Variants in PLLP observed in about 807,000 individuals in gnomAD.
PLLP encodes the protein plasma membrane proteolipid (plasmolipin).
Under a neutral mutation model 19.7 loss-of-function variants are expected in PLLP, and 15 were observed. That is an observed-to-expected ratio of 0.76 (90% CI 0.51 to 1.17). The LOEUF is 1.17. Ranked by LOEUF, PLLP falls within the 50% of genes most tolerant of loss-of-function variation. The pLI is 0.00. For missense variants in PLLP, 255 were observed against 258.3 expected (o/e 0.99, Z 0.09); for synonymous variants, 111 against 116.3 (o/e 0.95, Z 0.29).
At chr16:57,273,457 T>G (rs1043533061) in intron 1 of PLLP, among the ~76,000 whole-genome samples, 29 of 152,048 alleles carry the variant, frequency 1.9e-4, no homozygotes, top group African/African-American at 7.0e-4. Flanking sequence ...TGCCTGCAAC[T>G]CCCTGTGAGA....
At chr16:57,263,812 A>G (rs1422662517) in intron 1 of PLLP, among the ~76,000 whole-genome samples, 2 of 151,992 alleles carry the variant, frequency 1.3e-5, no homozygotes. Context: ...CGGAGAGGAC[A>G]CGAGGGTCTA....
intron 1 of PLLP, among the ~76,000 whole-genome samples, chr16:57,284,013 G>C (rs1301715228): frequency 6.6e-6 from 1 of 152,096 alleles, no homozygotes; most frequent in East Asian, 1.9e-4. Flanking sequence ...AGAAAGAGGG[G>C]TGAAAAAGAG....
chr16:57,277,730 A>C (rs1011541908), intron 1 of PLLP, among the ~76,000 whole-genome samples: 1 of 152,176 alleles, frequency 6.6e-6, no homozygotes. Context: ...ACATGCCCAG[A>C]CAGCACCTAT....
intron 2 of PLLP, among the ~76,000 whole-genome samples, chr16:57,261,133 G>A (rs1270837959): frequency 6.6e-6 from 1 of 151,956 alleles, no homozygotes; most frequent in Non-Finnish European, 1.5e-5. Flanking sequence ...GACTAGAGGC[G>A]CGCGCCACCA....
In PLLP at chr16:57,284,585, G is replaced by C; in HGVS notation, c.-45C>G. The C allele has an allele frequency of 7.6e-7, 1 of 1,313,814 alleles. No homozygotes were observed. Among genetic ancestry groups the C allele is most frequent in the East Asian group, 2.9e-5 (1 of 34,752 alleles). The allele number at this position is 1,313,814 out of a possible 1,614,324, so 81.4% of individuals were successfully genotyped here. On this transcript the variant is annotated 5_prime_UTR_variant, in exon 1 of 4. Coordinates refer to ENST00000219207, the MANE Select transcript of PLLP (RefSeq NM_015993.3). ...CGAGGTCGCTACGGCCGCCGTCGCCGCCCCTCCAGCGGTGGGTGCCGGCTC... is the reference window on the plus strand; with the variant it reads ...CGAGGTCGCTACGGCCGCCGTCGCCCCCCCTCCAGCGGTGGGTGCCGGCTC...
chr16:57,277,826 G>A (rs1901172185), intron 1 of PLLP, among the ~76,000 whole-genome samples: 1 of 152,184 alleles, frequency 6.6e-6, no homozygotes, highest in Non-Finnish European at 1.5e-5. Flanking sequence ...GGTTGCCTGG[G>A]GTGAGGGCAG....
At chr16:57,263,381 C>T (rs1394323096) in intron 1 of PLLP, 1 of 152,352 alleles carries the variant, frequency 6.6e-6, no homozygotes, top group Non-Finnish European at 1.5e-5. Context: ...TCCCGGCTCT[C>T]CTTACCGGCT....
intron 1 of PLLP, among the ~76,000 whole-genome samples, chr16:57,262,944 G>T (rs1387688330): frequency 1.3e-5 from 2 of 152,006 alleles, no homozygotes; most frequent in African/African-American, 4.8e-5. Context: ...GGCCATAATC[G>T]TTCCCTTCCC....
intron 1 of PLLP, among the ~76,000 whole-genome samples, chr16:57,275,677 A>G (rs1901144831): frequency 7.5e-6 from 1 of 133,746 alleles, no homozygotes; most frequent in Non-Finnish European, 1.6e-5. Flanking sequence ...TGAGAGGGGG[A>G]AAAAAACCCA....
chr16:57,261,152 TAATTGTTGTATTTTG>T (rs1221510095), intron 2 of PLLP, among the ~76,000 whole-genome samples: 1 of 123,256 alleles, frequency 8.1e-6, no homozygotes, highest in Non-Finnish European at 1.7e-5. Context: ...CACACCTGGC[TAATTGTTGTATTTTG>T]CTAATTGTTG....
rs1039785441 is a variant in PLLP at position 57,256,225 on chromosome 16, G to T, written c.*688C>A. 1 of 394,632 alleles carries T rather than the reference G, an allele frequency of 2.5e-6. No homozygotes were observed. Among genetic ancestry groups the T allele is most frequent in the Non-Finnish European group, 4.5e-6 (1 of 224,164 alleles). The allele number at this position is 394,632 out of a possible 1,614,324, so 24.4% of individuals were successfully genotyped here. A position where few individuals can be genotyped will look rare whatever the true frequency, so the allele number is the denominator to read the frequency against. The stretch of plus-strand genomic sequence containing the variant: ...CCATGTGCCTAGTCAGCAAGGTCGG[G>T]GAGGCACCGATGTTAGCTTCGCCCA... On this transcript the variant is annotated 3_prime_UTR_variant, in exon 4 of 4. Transcript: ENST00000219207.
At chr16:57,280,005 C>T (rs191087710) in intron 1 of PLLP, among the ~76,000 whole-genome samples, 12 of 152,364 alleles carry the variant, frequency 7.9e-5, no homozygotes, top group East Asian at 7.7e-4. Flanking sequence ...GCCTCAAGGA[C>T]GCCTACTGAC....
chr16:57,259,839 T>G lies in PLLP; in HGVS notation c.310-1255A>C, dbSNP rs868268417. 2.0e-5 allele frequency among the ~76,000 whole-genome samples: 3 copies of G among 151,274 alleles called. No homozygotes were observed. The South Asian group carries it at 6.3e-4, about 32-fold the overall frequency. On this transcript the variant is annotated intron_variant, in intron 2 of 3. Transcript: ENST00000219207. ...TAAAAATACAAAAATTAGCCAAGAG[T>G]GATGGTGCCCACCGGTAATCCCAGC...
chr16:57,274,607 C>T (rs1056666744), intron 1 of PLLP, among the ~76,000 whole-genome samples: 6 of 151,836 alleles, frequency 4.0e-5, no homozygotes, highest in Non-Finnish European at 8.8e-5. Context: ...TACGCACCAC[C>T]ATGCCAGGCT....
rs189584842 is a variant in PLLP, at chr16:57,257,292, G to A, written c.433-263C>T. 3.3e-5 allele frequency among the ~76,000 whole-genome samples: 5 copies of A among 152,348 alleles called. No individual in the cohort carries two copies. The East Asian group carries it at 9.6e-4, about 29-fold the overall frequency. On this transcript the variant is annotated intron_variant, in intron 3 of 3. Transcript: ENST00000219207. ...AAGGGCAATGAAGGAGAAGATAAGA[G>A]TGACAGAGGGGACACCTAGCAAGGA...
chr16:57,267,138 G>A (rs2075460172), intron 1 of PLLP, among the ~76,000 whole-genome samples: 1 of 152,176 alleles, frequency 6.6e-6, no homozygotes, highest in Admixed American at 6.5e-5. Context: ...AGCCAGACAG[G>A]CCAGGTTCCT....
intron 1 of PLLP, among the ~76,000 whole-genome samples, chr16:57,281,125 C>T (rs1448375752): frequency 6.6e-6 from 1 of 152,236 alleles, no homozygotes; most frequent in East Asian, 1.9e-4. Context: ...GGAAAGCAGG[C>T]TGTGGGCCCA....
chr16:57,265,463 C>G (rs2075454218), intron 1 of PLLP, among the ~76,000 whole-genome samples: 1 of 152,240 alleles, frequency 6.6e-6, no homozygotes, highest in African/African-American at 2.4e-5. Flanking sequence ...GTGTTGCCAG[C>G]TTCCAACTAA....
In PLLP at chr16:57,256,652, A is replaced by G; in HGVS notation, c.*261T>C. On this transcript the variant is annotated 3_prime_UTR_variant, in exon 4 of 4. Transcript: ENST00000219207. ...AAAGACAAGGCAGAGACACAGCCTC[A>G]GATCCCCCGTCATCTTCCACTGAAT... is the stretch of plus-strand genomic sequence containing the variant. The G allele has an allele frequency of 2.1e-6, 1 of 466,350 alleles. No homozygotes were observed. The highest frequency in any genetic ancestry group is 3.9e-6 in the Non-Finnish European group (1 of 257,382). The allele number at this position is 466,350 out of a possible 1,614,324, so 28.9% of individuals were successfully genotyped here.
Sources: allele counts gnomAD v4.1 joint callset (sites outside exome capture counted in the v4.1 genomes callset), GRCh38; gene constraint gnomAD v4.1.1; transcripts MANE v1.5; gene names NCBI Gene and HGNC (gene_info 2026-07-23, HGNC 2026-07-21).